BRINP1: variants seen among roughly 807,000 people sequenced by gnomAD.
BRINP1 encodes BMP/retinoic acid-inducible neural-specific protein 1.
In BRINP1, 17 loss-of-function variants were observed where a neutral mutation model predicts 72.9. The ratio of observed to expected loss-of-function variants is 0.23; its 90% confidence interval spans 0.16 to 0.35. The LOEUF (loss-of-function observed/expected upper bound fraction) is 0.35. Among genes scored for constraint, BRINP1 ranks in the 10% least tolerant of loss-of-function variants. The pLI is 1.00. For synonymous variants in BRINP1, 418 were observed against 378.5 expected (o/e 1.10, Z -1.21); for missense variants, 850 against 1,001.6 (o/e 0.85, Z 2.04).
chr9:119,252,098 C>T (rs1490945687), intron 2 of BRINP1, among the ~76,000 whole-genome samples: 1 of 152,122 alleles, frequency 6.6e-6, no homozygotes, highest in African/African-American at 2.4e-5. Flanking sequence ...TTCTTCCTCC[C>T]TCCCTCTCAC....
chr9:119,355,374 G>C (rs1472503560), intron 1 of BRINP1, among the ~76,000 whole-genome samples: 1 of 152,118 alleles, frequency 6.6e-6, no homozygotes, highest in African/African-American at 2.4e-5. Flanking sequence ...TTGTACATGC[G>C]ACATTCATTC....
In BRINP1 at chr9:119,242,209, C is replaced by T. The variant is rs752853890; in HGVS notation, c.417G>A (p.Glu139=). 2 of 1,613,824 alleles carry T rather than the reference C, an allele frequency of 1.2e-6. No individual in the cohort carries two copies. Among genetic ancestry groups the T allele is most frequent in the Admixed American group, 1.7e-5 (1 of 59,978 alleles). Residue 139 remains glutamate, a synonymous_variant, in exon 4 of 8, where the codon GAG becomes GAA. Transcript: ENST00000265922. The part of the protein sequence containing the change: ...LLISATLGGE[E]ALTMYMDKSR... ...TTTTGTCCATATACATGGTCAAAGC[C>T]TCCTCCCCTGGATGGGAAAGAAAAG... is the stretch of plus-strand genomic sequence containing the variant.
chr9:119,368,906 G>C lies in BRINP1; in HGVS notation c.-51+150C>G. 2.8e-6 allele frequency: 1 copy of C among 360,582 alleles called. No individual in the cohort carries two copies. The highest frequency in any genetic ancestry group is 4.9e-6 in the Non-Finnish European group (1 of 202,106). The allele number at this position is 360,582 out of a possible 1,614,324, so 22.3% of individuals were successfully genotyped here. ...GAACCCCCTCCCTAGAACTGGAGAA[G>C]ACTTGGAGGCGGCGGGGCGGCCAGG... is the stretch of plus-strand genomic sequence containing the variant. On this transcript the variant is annotated intron_variant, in intron 1 of 7. Coordinates refer to ENST00000265922, the MANE Select transcript of BRINP1 (RefSeq NM_014618.3). This position sits in a 1 kb window ranked among gnomAD's most constrained non-coding sequence, Gnocchi z 4.7.
At chr9:119,317,442 G>A (rs754540636) in intron 1 of BRINP1, among the ~76,000 whole-genome samples, 2 of 152,178 alleles carry the variant, frequency 1.3e-5, no homozygotes, top group East Asian at 1.9e-4. Flanking sequence ...AAACTTGAAC[G>A]GATGACGAGT....
At chr9:119,175,622 C>A (rs1829479118) in intron 7 of BRINP1, among the ~76,000 whole-genome samples, 1 of 152,070 alleles carries the variant, frequency 6.6e-6, no homozygotes, top group African/African-American at 2.4e-5. Context: ...CACAGGCCCT[C>A]AACACTATAA....
intron 2 of BRINP1, among the ~76,000 whole-genome samples, chr9:119,266,250 A>G (rs1332586197): frequency 6.6e-6 from 1 of 152,172 alleles, no homozygotes; most frequent in Non-Finnish European, 1.5e-5. Flanking sequence ...AAAATGTCCC[A>G]TGCTGTGAGT....
intron 1 of BRINP1, among the ~76,000 whole-genome samples, chr9:119,358,191 TAAG>T (rs1306724603): frequency 6.6e-6 from 1 of 152,000 alleles, no homozygotes; most frequent in Non-Finnish European, 1.5e-5. Flanking sequence ...AGGGGAATCA[TAAG>T]AAGGAGGTTG....
intron 7 of BRINP1, among the ~76,000 whole-genome samples, chr9:119,203,126 T>C (rs1358821240): frequency 2.0e-5 from 3 of 152,068 alleles, no homozygotes; most frequent in Non-Finnish European, 2.9e-5. Flanking sequence ...TACCATACAC[T>C]AAACCAGGGC....
At chr9:119,287,993 T>TA (rs975401832) in intron 2 of BRINP1, among the ~76,000 whole-genome samples, 16 of 150,998 alleles carry the variant, frequency 1.1e-4, no homozygotes, top group African/African-American at 3.9e-4. Flanking sequence ...ACTTAAAAGT[T>TA]AAAAAAAAAG....
intron 1 of BRINP1, among the ~76,000 whole-genome samples, chr9:119,317,633 G>A (rs1831138236): frequency 6.6e-6 from 1 of 152,154 alleles, no homozygotes; most frequent in African/African-American, 2.4e-5. Context: ...TCTACCTTAC[G>A]TAAAATACTA....
intron 1 of BRINP1, among the ~76,000 whole-genome samples, chr9:119,319,306 C>T (rs1033476732): frequency 1.3e-5 from 2 of 152,186 alleles, no homozygotes; most frequent in African/African-American, 4.8e-5. Context: ...CCTGTAATAC[C>T]ATCTACATTT....
intron 1 of BRINP1, among the ~76,000 whole-genome samples, chr9:119,348,386 G>A (rs1220023053): frequency 6.6e-6 from 1 of 152,160 alleles, no homozygotes; most frequent in Admixed American, 6.5e-5. Context: ...TTGCTTCCGA[G>A]TTTTGGCAAT....
At chr9:119,333,297 C>T (rs1831317990) in intron 1 of BRINP1, among the ~76,000 whole-genome samples, 1 of 151,442 alleles carries the variant, frequency 6.6e-6, no homozygotes, top group South Asian at 2.1e-4. Context: ...CCTATCTCTA[C>T]CAAAAATACA....
intron 5 of BRINP1, among the ~76,000 whole-genome samples, chr9:119,221,831 T>G (rs562117389): frequency 6.6e-6 from 1 of 151,964 alleles, no homozygotes; most frequent in Admixed American, 6.5e-5. Context: ...AGCAGGTTGC[T>G]TTGGTAGCAG....
chr9:119,344,025 G>T lies in BRINP1; in HGVS notation c.-51+25031C>A, dbSNP rs142426119. ...CCTTTTAGTTGCTCCTTCCTCCAGA[G>T]CCCCTACAGCATGTTGGGGAGATGG... On this transcript the variant is annotated intron_variant, in intron 1 of 7. Transcript: ENST00000265922. Among the ~76,000 whole-genome samples, 467 of 152,248 alleles carry T rather than the reference G, an allele frequency of 3.1e-3. 4 individuals are homozygous for T. Among genetic ancestry groups the T allele is most frequent in the African/African-American group, 8.3e-3 (343 of 41,550 alleles).
chr9:119,192,140 C>A lies in BRINP1; in HGVS notation c.1145+16579G>T, dbSNP rs114064214. The stretch of plus-strand genomic sequence containing the variant: ...AGGCCTCATTGGAAGATCTGAAACC[C>A]AAAAAACTCCTAGAAGAGAACATAA... On this transcript the variant is annotated intron_variant, in intron 7 of 7. Transcript: ENST00000265922. Among the ~76,000 whole-genome samples the A allele has an allele frequency of 2.7e-3, 404 of 151,836 alleles. 1 individual carries two copies. The highest frequency in any genetic ancestry group is 8.7e-3 in the African/African-American group (363 of 41,496).
intron 1 of BRINP1, among the ~76,000 whole-genome samples, chr9:119,339,860 C>T (rs1831389760): frequency 6.6e-6 from 1 of 152,124 alleles, no homozygotes; most frequent in Non-Finnish European, 1.5e-5. Context: ...CTACATGGCC[C>T]CAAAATCCTG....
intron 3 of BRINP1, among the ~76,000 whole-genome samples, chr9:119,246,705 C>A (rs1830321438): frequency 6.6e-6 from 1 of 152,230 alleles, no homozygotes; most frequent in East Asian, 1.9e-4. Context: ...TTCCCTACAA[C>A]TTCCCACCTC....
intron 2 of BRINP1, among the ~76,000 whole-genome samples, chr9:119,291,095 C>A (rs1395287601): frequency 6.7e-6 from 1 of 149,376 alleles, no homozygotes; most frequent in African/African-American, 2.5e-5. Flanking sequence ...TGCACTCCAG[C>A]CAGGGCGACA....
Sources: gnomAD v4.1 joint callset for allele counts (sites outside exome capture counted in the v4.1 genomes callset) on GRCh38, gnomAD v4.1.1 for gene constraint, Gnocchi (gnomAD v3.1) non-coding constraint, MANE v1.5 for transcripts, NCBI Gene and HGNC (gene_info 2026-07-23, HGNC 2026-07-21) for gene names.